Variants in SORBS2 observed in about 807,000 individuals in gnomAD.
The protein encoded by SORBS2 is sorbin and SH3 domain-containing protein 2.
In SORBS2, 46 loss-of-function variants were observed where a neutral mutation model predicts 97.7. The observed-to-expected ratio is 0.47, with a 90% CI of 0.37 to 0.60. SORBS2 has a LOEUF of 0.60. Among genes scored for constraint, SORBS2 ranks in the 20% least tolerant of loss-of-function variants. The pLI is 0.00. For missense variants in SORBS2, 1,316 were observed against 1,282.3 expected (o/e 1.03, Z -0.40); for synonymous variants, 476 against 473.4 (o/e 1.01, Z -0.07).
chr4:185,942,799 G>A (rs1413003569), intron 1 of SORBS2, among the ~76,000 whole-genome samples: 2 of 152,148 alleles, frequency 1.3e-5, no homozygotes, highest in Admixed American at 6.5e-5. Context: ...TAGGGAAAGA[G>A]ATCATGTATG....
At chr4:185,657,390 G>A, upstream of SORBS2, 1 of 1,502,844 alleles carries the variant, frequency 6.7e-7, no homozygotes. Flanking sequence ...TCTGTGCACA[G>A]CCCCAGACAG....
At chr4:185,822,661 C>T (rs1010468565) in intron 1 of SORBS2, among the ~76,000 whole-genome samples, 1 of 152,188 alleles carries the variant, frequency 6.6e-6, no homozygotes, top group African/African-American at 2.4e-5. Flanking sequence ...ATGGGAGATG[C>T]TCAGTGTTGA....
Position 185,633,094 on chromosome 4 carries a change from G to A in SORBS2, c.397-2496C>T, listed in dbSNP as rs146899627. Among the ~76,000 whole-genome samples, 1,175 of 152,232 alleles carry A rather than the reference G, an allele frequency of 7.7e-3. 13 individuals are homozygous for A. The highest frequency in any genetic ancestry group is 0.025 in the African/African-American group (1,035 of 41,562). The stretch of plus-strand genomic sequence containing the variant: ...GTCAATTTAGTGAAGTACAGATACT[G>A]AATCACTCTTTCTGTTAAGTAGCTA... On this transcript the variant is annotated intron_variant, in intron 4 of 14. Coordinates refer to ENST00000418609, the Ensembl canonical transcript of SORBS2.
At chr4:185,618,126 C>A (rs1294412648) in intron 9 of SORBS2, among the ~76,000 whole-genome samples, 1 of 152,086 alleles carries the variant, frequency 6.6e-6, no homozygotes, top group Non-Finnish European at 1.5e-5. Flanking sequence ...AGGTGTATGC[C>A]CCCATGCCTA....
chr4:185,874,697 C>T (rs1343985380), intron 1 of SORBS2, among the ~76,000 whole-genome samples: 2 of 152,068 alleles, frequency 1.3e-5, no homozygotes, highest in African/African-American at 4.8e-5. Context: ...TCTGCTGTAT[C>T]TTTATGTATT....
intron 2 of SORBS2, among the ~76,000 whole-genome samples, chr4:185,691,661 T>C (rs1474742183): frequency 1.3e-5 from 2 of 152,216 alleles, no homozygotes; most frequent in Non-Finnish European, 2.9e-5. Flanking sequence ...TAGTATTGAA[T>C]GCTGATTTTT....
intron 2 of SORBS2, among the ~76,000 whole-genome samples, chr4:185,770,454 A>AT (rs891647833): frequency 2.6e-5 from 4 of 152,224 alleles, no homozygotes; most frequent in African/African-American, 9.6e-5. Context: ...AACGTTGCAG[A>AT]TTTTGGAACA....
rs556608733 is a variant in SORBS2 at position 185,668,231 on chromosome 4, G to A, written c.-45-5989C>T. Among the ~76,000 whole-genome samples, 12 of 152,274 alleles carry A rather than the reference G, an allele frequency of 7.9e-5. No homozygotes were observed. In the East Asian group the frequency reaches 1.9e-3, roughly 24 times the overall value. ...CGTATTCTAAAATCACCATTGTCAC[G>A]GGTAATATGATCATTAGTTTGCATA... On this transcript the variant is annotated intron_variant, in intron 4 of 20. Coordinates refer to the SORBS2 transcript ENST00000284776.
chr4:185,855,802 T>A (rs1412993859), intron 1 of SORBS2, among the ~76,000 whole-genome samples: 1 of 152,196 alleles, frequency 6.6e-6, no homozygotes, highest in African/African-American at 2.4e-5. Context: ...ATGTTTGCTG[T>A]TGTCATTTAC....
chr4:185,711,144 ATT>A (rs34177459), intron 2 of SORBS2, among the ~76,000 whole-genome samples: 1 of 149,166 alleles, frequency 6.7e-6, no homozygotes. Context: ...AAATCTTTTC[ATT>A]TTTTTTTTGT....
chr4:185,924,661 G>A (rs1447526003), intron 1 of SORBS2, among the ~76,000 whole-genome samples: 1 of 152,102 alleles, frequency 6.6e-6, no homozygotes, highest in African/African-American at 2.4e-5. Context: ...GTTATTTCAC[G>A]GGCTATGTGA....
rs1326547569 is a variant in SORBS2, at chr4:185,795,060, T to C, written c.-337-19694A>G. Among the ~76,000 whole-genome samples the C allele has an allele frequency of 2.0e-5, 3 of 152,284 alleles. No homozygotes were observed. The East Asian group carries it at 5.8e-4, about 29-fold the overall frequency. On this transcript the variant is annotated intron_variant, in intron 1 of 20. Transcript: ENST00000284776. ...AAGTAGTGTGTATAGGCGGGCTTCATGAGCTTGCAAACTGAGCATGTGCAC... is the reference window on the plus strand; with the variant it reads ...AAGTAGTGTGTATAGGCGGGCTTCACGAGCTTGCAAACTGAGCATGTGCAC...
chr4:185,588,619 CCTCCTT>C (rs1306379272), intron 14 of SORBS2, among the ~76,000 whole-genome samples: 1 of 148,886 alleles, frequency 6.7e-6, no homozygotes, highest in Non-Finnish European at 1.5e-5. Context: ...TCCTCCTCCT[CCTCCTT>C]GTTTTTGAGA....
At chr4:185,950,462 A>T (rs780468507) in intron 1 of SORBS2, among the ~76,000 whole-genome samples, 8 of 152,150 alleles carry the variant, frequency 5.3e-5, no homozygotes, top group Non-Finnish European at 1.2e-4. Context: ...AAGAGACCAG[A>T]GTGGGTTAGA....
At chr4:185,614,740 A>G (rs2096602216) in intron 11 of SORBS2, 91 bp downstream of exon 23, 1 of 1,425,952 alleles carries the variant, frequency 7.0e-7, no homozygotes. Flanking sequence ...GAAAAAGATA[A>G]CCTATTTTAG....
intron 2 of SORBS2, among the ~76,000 whole-genome samples, chr4:185,689,995 T>G (rs1446599046): frequency 2.0e-5 from 3 of 152,248 alleles, no homozygotes; most frequent in African/African-American, 7.2e-5. Flanking sequence ...GCATGTATCA[T>G]GAACACTTTT....
chr4:185,704,674 A>G (rs2098315615), intron 2 of SORBS2, among the ~76,000 whole-genome samples: 1 of 151,510 alleles, frequency 6.6e-6, no homozygotes, highest in African/African-American at 2.5e-5. Context: ...ATTCTACTCC[A>G]CAAATTACCC....
At chr4:185,611,430 A>G (rs946887117) in intron 12 of SORBS2, among the ~76,000 whole-genome samples, 5 of 151,758 alleles carry the variant, frequency 3.3e-5, no homozygotes, top group Non-Finnish European at 7.4e-5. Flanking sequence ...ATTTACATAT[A>G]TAAAAATGAA....
intron 2 of SORBS2, among the ~76,000 whole-genome samples, chr4:185,650,180 A>G (rs138953102): frequency 6.6e-6 from 1 of 152,362 alleles, no homozygotes; most frequent in African/African-American, 2.4e-5. Flanking sequence ...CAATATGCTT[A>G]GAGTGCACCT....
Sources: gnomAD v4.1 joint callset for allele counts (sites outside exome capture counted in the v4.1 genomes callset) on GRCh38, gnomAD v4.1.1 for gene constraint, MANE v1.5 for transcripts, NCBI Gene and HGNC (gene_info 2026-07-23, HGNC 2026-07-21) for gene names.